RGS6: variants seen among roughly 807,000 people sequenced by gnomAD.
RGS6 encodes the protein regulator of G-protein signaling 6.
In RGS6, 30 loss-of-function variants were observed where a neutral mutation model predicts 78.5. That is an observed-to-expected ratio of 0.38 (90% CI 0.29 to 0.52). The LOEUF is 0.52. Among genes scored for constraint, RGS6 ranks in the 20% least tolerant of loss-of-function variants. RGS6 has a pLI of 0.85. For synonymous variants in RGS6, 206 were observed against 206.0 expected (o/e 1.00, Z 0.00); for missense variants, 495 against 609.7 (o/e 0.81, Z 1.98).
chr14:72,627,103 T>C, the RGS6 span, among the ~76,000 whole-genome samples: 2 of 152,068 alleles, frequency 1.3e-5, no homozygotes, highest in African/African-American at 4.8e-5. Context: ...TTCCTCCCAG[T>C]TTGTCAGTTG....
At chr14:71,878,661 G>C in the RGS6 span, among the ~76,000 whole-genome samples, 3 of 152,168 alleles carry the variant, frequency 2.0e-5, no homozygotes, top group African/African-American at 7.2e-5. Context: ...CCCTGCTTTG[G>C]CTTATGGTCT....
At chr14:72,548,812 A>C (rs2097451443) in intron 17 of RGS6, among the ~76,000 whole-genome samples, 1 of 152,216 alleles carries the variant, frequency 6.6e-6, no homozygotes, top group Non-Finnish European at 1.5e-5. Context: ...ACAAATGGCT[A>C]GAAGATAGAT....
chr14:72,589,207 T>C, the RGS6 span, among the ~76,000 whole-genome samples: 1 of 152,090 alleles, frequency 6.6e-6, no homozygotes, highest in African/African-American at 2.4e-5. Context: ...GAGCTAGCAG[T>C]TGGAGTGGAA....
At chr14:72,263,060 A>C (rs1175980735) in intron 2 of RGS6, among the ~76,000 whole-genome samples, 1 of 151,986 alleles carries the variant, frequency 6.6e-6, no homozygotes, top group African/African-American at 2.4e-5. Context: ...AGCAGCCTGG[A>C]CCCAGGGCCT....
intron 17 of RGS6, among the ~76,000 whole-genome samples, chr14:72,561,041 T>A (rs1363655260): frequency 6.6e-6 from 1 of 152,098 alleles, no homozygotes; most frequent in Non-Finnish European, 1.5e-5. Flanking sequence ...TCCATGGAGA[T>A]CTAAGCCAGA....
At chr14:72,545,986 G>A (rs1314295576) in intron 17 of RGS6, among the ~76,000 whole-genome samples, 1 of 152,148 alleles carries the variant, frequency 6.6e-6, no homozygotes, top group African/African-American at 2.4e-5. Flanking sequence ...ATCACTGCAT[G>A]CACTGTGGGG....
At chr14:72,445,890 G>A (rs1395698877) in intron 3 of RGS6, among the ~76,000 whole-genome samples, 1 of 152,148 alleles carries the variant, frequency 6.6e-6, no homozygotes, top group African/African-American at 2.4e-5. Context: ...TGGAAATAGA[G>A]TCATTGCAGA....
At chr14:72,182,727 T>G (rs1377144938) in intron 2 of RGS6, among the ~76,000 whole-genome samples, 1 of 152,172 alleles carries the variant, frequency 6.6e-6, no homozygotes, top group African/African-American at 2.4e-5. Flanking sequence ...CTATTTTAGA[T>G]GAGCTCAGCA....
chr14:72,586,857 G>A, the RGS6 span, among the ~76,000 whole-genome samples: 1 of 152,108 alleles, frequency 6.6e-6, no homozygotes, highest in Non-Finnish European at 1.5e-5. Flanking sequence ...CATAATAGCT[G>A]CTCAGTAAAT....
intron 2 of RGS6, among the ~76,000 whole-genome samples, chr14:72,042,871 G>A (rs2092541329): frequency 6.6e-6 from 1 of 152,098 alleles, no homozygotes; most frequent in Non-Finnish European, 1.5e-5. Flanking sequence ...GAATTTCTAG[G>A]TCAAAGAATA....
chr14:72,452,350 GC>G (rs1419952145), intron 3 of RGS6, among the ~76,000 whole-genome samples: 11 of 152,140 alleles, frequency 7.2e-5, no homozygotes, highest in Non-Finnish European at 1.6e-4. Flanking sequence ...TAGAAGTGCT[GC>G]CTTTGAGGTT....
At chr14:72,481,124 GCTT>G (rs904687766) in intron 12 of RGS6, among the ~76,000 whole-genome samples, 6 of 152,142 alleles carry the variant, frequency 3.9e-5, no homozygotes, top group Non-Finnish European at 5.9e-5. Flanking sequence ...GAAGCCAGTG[GCTT>G]CTTCTCTCGG....
At chr14:71,986,788 A>C (rs1471355158) in intron 2 of RGS6, among the ~76,000 whole-genome samples, 1 of 152,230 alleles carries the variant, frequency 6.6e-6, no homozygotes, top group Non-Finnish European at 1.5e-5. Context: ...ATGATTTGGC[A>C]GAGCTGCATG....
chr14:71,964,806 C>G lies in RGS6; in HGVS notation c.15C>G (p.Ser5=), dbSNP rs774370078. 9 of 1,613,342 alleles carry G rather than the reference C, an allele frequency of 5.6e-6. No homozygotes were observed. The highest frequency in any genetic ancestry group is 6.8e-6 in the Non-Finnish European group (8 of 1,179,792). ...AGACACTCAGGATGGCTCAAGGATC[C>G]GGGGATCAAAGAGCAGTGGGGGTTG... The part of the protein sequence containing the change: MAQG[S]GDQRAVGVAD... The change falls in exon 2 of 18, where the codon TCC becomes TCG. Residue 5 remains serine (S), a synonymous_variant. Transcript: ENST00000553525.
At chr14:72,225,737 G>T (rs577878352) in intron 2 of RGS6, among the ~76,000 whole-genome samples, 1 of 152,180 alleles carries the variant, frequency 6.6e-6, no homozygotes, top group Non-Finnish European at 1.5e-5. Flanking sequence ...AAAATTCTAT[G>T]CTTTTTGCAA....
At chr14:72,548,174 G>A (rs879835426) in intron 17 of RGS6, among the ~76,000 whole-genome samples, 3 of 152,136 alleles carry the variant, frequency 2.0e-5, no homozygotes, top group Admixed American at 2.0e-4. Flanking sequence ...CCTTTTTGAT[G>A]ACTTGGATGA....
At chr14:72,081,518 A>G (rs1484161799) in intron 2 of RGS6, among the ~76,000 whole-genome samples, 2 of 152,052 alleles carry the variant, frequency 1.3e-5, no homozygotes, top group Non-Finnish European at 2.9e-5. Context: ...AGTTCTCTTT[A>G]TTCAGATGTG....
At chr14:71,981,960 C>T (rs376034674) in intron 2 of RGS6, among the ~76,000 whole-genome samples, 20 of 144,026 alleles carry the variant, frequency 1.4e-4, no homozygotes, top group South Asian at 4.6e-4. Context: ...TAGGACCCTC[C>T]GAGCCAGGTG....
At chr14:71,884,373 C>A in the RGS6 span, among the ~76,000 whole-genome samples, 2 of 152,332 alleles carry the variant, frequency 1.3e-5, no homozygotes, top group East Asian at 3.9e-4. Context: ...GTGTCTTAAG[C>A]CTCAAGAGCT....
Sources: gnomAD v4.1 joint callset for allele counts (sites outside exome capture counted in the v4.1 genomes callset) on GRCh38, gnomAD v4.1.1 for gene constraint, MANE v1.5 for transcripts, NCBI Gene and HGNC (gene_info 2026-07-23, HGNC 2026-07-21) for gene names.